Variants in AKAP13 observed in about 807,000 individuals in gnomAD.
AKAP13 encodes A-kinase anchoring protein 13.
In AKAP13, 80 loss-of-function variants were observed where a neutral mutation model predicts 264.5. That is an observed-to-expected ratio of 0.30 (90% CI 0.25 to 0.36). The LOEUF (loss-of-function observed/expected upper bound fraction) is 0.36, where lower values mean the gene tolerates loss of function less well. AKAP13 is among the 10% of genes least tolerant of loss of function. AKAP13 has a pLI of 1.00. For synonymous variants in AKAP13, 1,380 were observed against 1,250.2 expected, an observed-to-expected ratio of 1.10 and a Z score of -2.19; for missense variants, 3,712 against 3,435.2, an observed-to-expected ratio of 1.08 and a Z score of -2.01.
chr15:85,597,068 A>C (rs1036028747), intron 8 of AKAP13, among the ~76,000 whole-genome samples: 1 of 152,230 alleles, frequency 6.6e-6, no homozygotes, highest in African/African-American at 2.4e-5. Flanking sequence ...GATTTATGTA[A>C]AAACAGCATG....
chr15:85,644,196 C>G (rs557512440), intron 9 of AKAP13, among the ~76,000 whole-genome samples: 2 of 151,096 alleles, frequency 1.3e-5, no homozygotes, highest in Admixed American at 6.6e-5. Context: ...AACACATTAA[C>G]TTGCTTACAA....
At chr15:85,481,317 TG>T (rs1258673401) in intron 1 of AKAP13, among the ~76,000 whole-genome samples, 1 of 152,204 alleles carries the variant, frequency 6.6e-6, no homozygotes, top group Non-Finnish European at 1.5e-5. Context: ...CTGCACTTTA[TG>T]AAGAAAAGAC....
At chr15:85,677,647 G>GTTTTTTTTTTTTTT in intron 14 of AKAP13, among the ~76,000 whole-genome samples, 1 of 136,708 alleles carries the variant, frequency 7.3e-6, no homozygotes, top group Non-Finnish European at 1.6e-5. Context: ...TGTGTGTTGT[G>GTTTTTTTTTTTTTT]TTTTTTTTTT....
chr15:85,723,397 C>T, intron 26 of AKAP13, 77 bp downstream of exon 26: 1 of 1,561,392 alleles, frequency 6.4e-7, no homozygotes, highest in Non-Finnish European at 8.7e-7. Flanking sequence ...GTTGGAAATT[C>T]ACTACCAGAT....
intron 2 of AKAP13, among the ~76,000 whole-genome samples, chr15:85,519,412 C>CA (rs1380282703): frequency 1.3e-5 from 2 of 152,164 alleles, no homozygotes; most frequent in Non-Finnish European, 2.9e-5. Flanking sequence ...TCAACCTAGT[C>CA]ATAGTTTGTC....
chr15:85,508,711 A>G (rs1417769533), intron 2 of AKAP13, among the ~76,000 whole-genome samples: 1 of 151,992 alleles, frequency 6.6e-6, no homozygotes, highest in Non-Finnish European at 1.5e-5. Context: ...AAGAAAAAGA[A>G]AAAGAAAAAA....
chr15:85,561,032 A>G (rs2078352182), intron 5 of AKAP13, among the ~76,000 whole-genome samples: 1 of 148,120 alleles, frequency 6.8e-6, no homozygotes, highest in African/African-American at 2.5e-5. Flanking sequence ...TAGATGTGAT[A>G]TGCCATCTGG....
chr15:85,514,750 G>C lies in AKAP13; in HGVS notation c.34-6678G>C, dbSNP rs144777413. Among the ~76,000 whole-genome samples, 17 of 137,628 alleles carry C rather than the reference G, an allele frequency of 1.2e-4. 3 individuals are homozygous for C. In the East Asian group the frequency reaches 3.5e-3, roughly 28 times the overall value. 90.3% of individuals were successfully genotyped at this position (137,628 alleles called of 152,430 possible). ...TGTTTTAGCAGAGTAACTGGGCAAA[G>C]TGTTATCAATTGCCTATCAATTGTA... On this transcript the variant is annotated intron_variant, in intron 2 of 36. Coordinates refer to ENST00000394518, the MANE Select transcript of AKAP13 (RefSeq NM_007200.5).
chr15:85,609,546 C>G (rs969512662), intron 8 of AKAP13, among the ~76,000 whole-genome samples: 2 of 152,146 alleles, frequency 1.3e-5, no homozygotes, highest in African/African-American at 2.4e-5. Flanking sequence ...GGTTCTGTAC[C>G]TTGGCTATTG....
At chr15:85,604,928 C>T (rs2080253939) in intron 8 of AKAP13, among the ~76,000 whole-genome samples, 2 of 152,146 alleles carry the variant, frequency 1.3e-5, no homozygotes, top group African/African-American at 4.8e-5. Context: ...CTGATGTTTA[C>T]TGTAACATCT....
At chr15:85,562,855 C>A (rs1161110833) in intron 5 of AKAP13, among the ~76,000 whole-genome samples, 4 of 124,564 alleles carry the variant, frequency 3.2e-5, no homozygotes, top group Non-Finnish European at 3.3e-5. Flanking sequence ...GCCACCACGC[C>A]CAGCAGGTTT....
At chr15:85,572,321 A>C (rs1485484827) in intron 5 of AKAP13, among the ~76,000 whole-genome samples, 3 of 152,202 alleles carry the variant, frequency 2.0e-5, no homozygotes, top group Admixed American at 6.5e-5. Context: ...TCTGCCACAC[A>C]ATAAGGCATG....
intron 1 of AKAP13, among the ~76,000 whole-genome samples, chr15:85,443,128 C>T (rs868705321): frequency 2.0e-5 from 3 of 151,520 alleles, no homozygotes; most frequent in Admixed American, 6.6e-5. Flanking sequence ...AGATAGTTCT[C>T]CCCCCACCCC....
At chr15:85,569,777 G>A (rs1018793367) in intron 5 of AKAP13, among the ~76,000 whole-genome samples, 2 of 152,022 alleles carry the variant, frequency 1.3e-5, no homozygotes, top group African/African-American at 4.8e-5. Context: ...GGGTTGACAG[G>A]GATAAAGAAA....
chr15:85,485,374 C>T (rs559241568), intron 1 of AKAP13, among the ~76,000 whole-genome samples: 47 of 152,246 alleles, frequency 3.1e-4, no homozygotes, highest in South Asian at 1.4e-3. Context: ...TGAGGGACTA[C>T]GTAAAAATGT....
At chr15:85,450,998 G>A (rs1243358658) in intron 1 of AKAP13, among the ~76,000 whole-genome samples, 3 of 152,148 alleles carry the variant, frequency 2.0e-5, no homozygotes, top group Non-Finnish European at 4.4e-5. Flanking sequence ...ATGTCTCTTT[G>A]TAGGTCTCTA....
At chr15:85,381,836 A>T (rs1301958963) in intron 1 of AKAP13, 4 of 152,022 alleles carry the variant, frequency 2.6e-5, no homozygotes, top group Non-Finnish European at 5.9e-5. Context: ...AGTCCCCCCC[A>T]CAACAAGTGT....
At chr15:85,649,175 A>G (rs1432411632) in intron 10 of AKAP13, among the ~76,000 whole-genome samples, 1 of 152,214 alleles carries the variant, frequency 6.6e-6, no homozygotes, top group Non-Finnish European at 1.5e-5. Context: ...AGCAACCCTG[A>G]CAAGTGGGTG....
chr15:85,710,520 C>T (rs893261663), intron 18 of AKAP13, 59 bp from the exon 19 acceptor site: 65 of 1,552,744 alleles, frequency 4.2e-5, no homozygotes, highest in Middle Eastern at 1.7e-4. Context: ...CCTTCCTACT[C>T]GGCTTCTCAG....
Sources: gnomAD v4.1 joint callset for allele counts (sites outside exome capture counted in the v4.1 genomes callset) on GRCh38, gnomAD v4.1.1 for gene constraint, MANE v1.5 for transcripts, NCBI Gene and HGNC (gene_info 2026-07-23, HGNC 2026-07-21) for gene names.